ROBO2: variants seen among roughly 807,000 people sequenced by gnomAD.
ROBO2 encodes the protein roundabout guidance receptor 2, also known as roundabout homolog 2.
In ROBO2, 53 loss-of-function variants were observed where a neutral mutation model predicts 160.8. The observed-to-expected ratio is 0.33, with a 90% CI of 0.26 to 0.41. The LOEUF (loss-of-function observed/expected upper bound fraction) is 0.41, where lower values mean the gene tolerates loss of function less well. Among genes scored for constraint, ROBO2 ranks in the 10% least tolerant of loss-of-function variants. The pLI is 1.00. For missense variants in ROBO2, 1,577 were observed against 1,722.4 expected, an observed-to-expected ratio of 0.92 and a Z score of 1.49; for synonymous variants, 664 against 611.7, an observed-to-expected ratio of 1.09 and a Z score of -1.26.
At chr3:76,838,061 G>A (rs1232865571) in intron 2 of ROBO2, among the ~76,000 whole-genome samples, 2 of 152,054 alleles carry the variant, frequency 1.3e-5, no homozygotes, top group Non-Finnish European at 2.9e-5. Context: ...CCATGAAAAA[G>A]AGTGATATCA....
intron 2 of ROBO2, among the ~76,000 whole-genome samples, chr3:77,281,944 T>C (rs1192554213): frequency 1.3e-5 from 2 of 152,188 alleles, no homozygotes; most frequent in Non-Finnish European, 2.9e-5. Flanking sequence ...CGCTCCCTCC[T>C]GCTGTGCAGC....
At chr3:76,450,302 A>T (rs1219503642) in intron 2 of ROBO2, among the ~76,000 whole-genome samples, 1 of 152,214 alleles carries the variant, frequency 6.6e-6, no homozygotes, top group Non-Finnish European at 1.5e-5. Flanking sequence ...GTTTAAGATA[A>T]TTCTCACCTT....
At chr3:76,384,836 C>G (rs374521461) in intron 2 of ROBO2, among the ~76,000 whole-genome samples, 1 of 152,174 alleles carries the variant, frequency 6.6e-6, no homozygotes, top group African/African-American at 2.4e-5. Flanking sequence ...ATTCCTCCCA[C>G]GACACGTGAG....
intron 2 of ROBO2, among the ~76,000 whole-genome samples, chr3:76,924,503 A>G (rs1335798447): frequency 6.6e-6 from 1 of 152,208 alleles, no homozygotes; most frequent in African/African-American, 2.4e-5. Flanking sequence ...ACTGTGAAAA[A>G]TAAACATTTA....
At chr3:76,633,773 A>T (rs1018486434) in intron 2 of ROBO2, among the ~76,000 whole-genome samples, 1 of 152,230 alleles carries the variant, frequency 6.6e-6, no homozygotes, top group Non-Finnish European at 1.5e-5. Flanking sequence ...TAGATGAGGA[A>T]TTAAGGCAGA....
At chr3:76,048,827 A>G (rs1239254900) in intron 2 of ROBO2, among the ~76,000 whole-genome samples, 1 of 152,174 alleles carries the variant, frequency 6.6e-6, no homozygotes, top group Non-Finnish European at 1.5e-5. Flanking sequence ...GCATGTTTAC[A>G]AATAGAATAC....
chr3:76,506,141 T>C (rs1416452605), intron 2 of ROBO2, among the ~76,000 whole-genome samples: 3 of 152,206 alleles, frequency 2.0e-5, no homozygotes, highest in Non-Finnish European at 4.4e-5. Flanking sequence ...GAATTCCTTT[T>C]ACTTACAAAG....
chr3:75,953,980 C>T (rs1559780402), intron 2 of ROBO2, among the ~76,000 whole-genome samples: 1 of 151,536 alleles, frequency 6.6e-6, no homozygotes, highest in Non-Finnish European at 1.5e-5. Context: ...TCAGTTCTTC[C>T]CTTGCTGTTT....
At chr3:76,664,573 C>G (rs2091951020) in intron 2 of ROBO2, among the ~76,000 whole-genome samples, 2 of 152,108 alleles carry the variant, frequency 1.3e-5, no homozygotes, top group Admixed American at 1.3e-4. Context: ...AAAACTTATA[C>G]CTTTGTTATG....
exon 1 of ROBO2, chr3:77,040,281 A>C (rs1389146381): frequency 1.0e-6 from 1 of 994,110 alleles, no homozygotes; most frequent in East Asian, 1.1e-4. Context: ...TAGACATATT[A>C]AAAAATAACT....
chr3:76,334,436 A>G (rs2073725477), intron 2 of ROBO2, among the ~76,000 whole-genome samples: 1 of 152,162 alleles, frequency 6.6e-6, no homozygotes, highest in Non-Finnish European at 1.5e-5. Context: ...CAGGGGAGGA[A>G]GCATTTAAAC....
exon 26 of ROBO2, chr3:77,648,606 C>T (rs2095428183): frequency 6.6e-6 from 1 of 152,130 alleles, no homozygotes; most frequent in African/African-American, 2.4e-5. Context: ...CAAAATATCA[C>T]CCTCAGGTAG....
chr3:76,562,439 ATC>A (rs10598282), intron 2 of ROBO2, among the ~76,000 whole-genome samples: 61,628 of 147,002 alleles, frequency 0.42, 13,291 homozygotes, highest in African/African-American at 0.57. Context: ...TATAAGATTG[ATC>A]TCTCTCTCTC....
chr3:77,089,463 A>T, intron 1 of ROBO2, among the ~76,000 whole-genome samples: 1 of 152,202 alleles, frequency 6.6e-6, no homozygotes, highest in East Asian at 1.9e-4. Context: ...AACCTCTTTT[A>T]TCCTTATCAG....
intron 2 of ROBO2, among the ~76,000 whole-genome samples, chr3:77,323,630 A>G (rs1025219386): frequency 1.3e-5 from 2 of 152,170 alleles, no homozygotes; most frequent in Admixed American, 6.6e-5. Flanking sequence ...TGTTTGCAAT[A>G]CTGATAACAA....
chr3:76,197,891 G>A (rs1043981828), intron 2 of ROBO2, among the ~76,000 whole-genome samples: 1 of 152,162 alleles, frequency 6.6e-6, no homozygotes, highest in Non-Finnish European at 1.5e-5. Flanking sequence ...TAAATCCTCT[G>A]AGAACAATAT....
At chr3:77,287,899 G>A (rs1298323783) in intron 2 of ROBO2, among the ~76,000 whole-genome samples, 1 of 152,032 alleles carries the variant, frequency 6.6e-6, no homozygotes, top group African/African-American at 2.4e-5. Flanking sequence ...AAATAACCAC[G>A]TACAGATTTC....
chr3:76,778,103 G>A (rs1407292606), intron 2 of ROBO2, among the ~76,000 whole-genome samples: 2 of 151,038 alleles, frequency 1.3e-5, no homozygotes, highest in African/African-American at 4.8e-5. Context: ...TGTAGTGTCA[G>A]GATGTGGCCA....
At chr3:76,458,961 A>G (rs1238941340) in intron 2 of ROBO2, among the ~76,000 whole-genome samples, 2 of 152,190 alleles carry the variant, frequency 1.3e-5, no homozygotes, top group Admixed American at 6.5e-5. Flanking sequence ...AGACACAGCC[A>G]AACCATATCA....
Sources: gnomAD v4.1 joint callset for allele counts (sites outside exome capture counted in the v4.1 genomes callset) on GRCh38, gnomAD v4.1.1 for gene constraint, MANE v1.5 for transcripts, NCBI Gene and HGNC (gene_info 2026-07-23, HGNC 2026-07-21) for gene names.